UGGT1: variants seen among roughly 807,000 people sequenced by gnomAD.
The protein encoded by UGGT1 is UDP-glucose glycoprotein glucosyltransferase 1, also known as UDP-glucose:glycoprotein glucosyltransferase 1.
A neutral mutation model predicts 203.9 loss-of-function variants in UGGT1; 107 were observed. The observed-to-expected ratio is 0.52, with a 90% CI of 0.45 to 0.62. The LOEUF (loss-of-function observed/expected upper bound fraction) is 0.62. Ranked by LOEUF, UGGT1 falls within the 20% of genes least tolerant of loss-of-function variation. The pLI is 0.00. For missense variants in UGGT1, 1,673 were observed against 1,867.2 expected, an observed-to-expected ratio of 0.90 and a Z score of 1.92; for synonymous variants, 628 against 653.5, an observed-to-expected ratio of 0.96 and a Z score of 0.59.
chr2:128,168,889 A>G (rs1301904270), intron 26 of UGGT1, among the ~76,000 whole-genome samples: 4 of 151,884 alleles, frequency 2.6e-5, no homozygotes, highest in Admixed American at 6.6e-5. Flanking sequence ...TCTACTAACA[A>G]TACACAAATT....
At chr2:128,114,140 C>CA (rs1258810248) in intron 6 of UGGT1, among the ~76,000 whole-genome samples, 1 of 151,988 alleles carries the variant, frequency 6.6e-6, no homozygotes, top group Non-Finnish European at 1.5e-5. Context: ...ATTTTTGAGA[C>CA]AGAGTCTCGC....
At chr2:128,162,511 GA>G (rs1339425384) in intron 25 of UGGT1, among the ~76,000 whole-genome samples, 1 of 152,056 alleles carries the variant, frequency 6.6e-6, no homozygotes, top group African/African-American at 2.4e-5. Context: ...ATGTTTTAGA[GA>G]AGTGTTGACT....
intron 19 of UGGT1, among the ~76,000 whole-genome samples, chr2:128,153,203 C>T (rs1690061145): frequency 6.6e-6 from 1 of 152,096 alleles, no homozygotes; most frequent in African/African-American, 2.4e-5. Flanking sequence ...GAGAATGGAC[C>T]TGGATTGTTC....
rs1687664694 is a variant in UGGT1, at chr2:128,107,675, A to C, written c.278-263A>C. Among the ~76,000 whole-genome samples the C allele has an allele frequency of 2.0e-5, 3 of 152,208 alleles. No homozygotes were observed. The South Asian group carries it at 6.2e-4, about 31-fold the overall frequency. The stretch of plus-strand genomic sequence containing the variant: ...TTCACAGCTGAATTATTTCTGAGGA[A>C]GTATGTAGCTGTAAGTCATCCAGGT... On this transcript the variant is annotated intron_variant, in intron 3 of 40. Transcript: ENST00000259253.
intron 8 of UGGT1, among the ~76,000 whole-genome samples, chr2:128,118,542 G>C (rs1314017930): frequency 1.3e-5 from 2 of 152,124 alleles, no homozygotes; most frequent in Non-Finnish European, 2.9e-5. Context: ...TAGAATTACA[G>C]GTGTGAGCTA....
In UGGT1 at chr2:128,113,159, C is replaced by T. The variant is rs1164805424; in HGVS notation, c.597C>T (p.Tyr199=). 3 of 1,612,940 alleles carry T rather than the reference C, an allele frequency of 1.9e-6. No individual in the cohort carries two copies. The South Asian group carries it at 3.3e-5, about 18-fold the overall frequency. Residue 199 remains tyrosine (Y), a synonymous_variant, in exon 6 of 41, where the codon TAC becomes TAT. Coordinates refer to ENST00000259253, the MANE Select transcript of UGGT1 (RefSeq NM_020120.4). Reference sequence around the variant, plus strand: ...CTGAAAGCCCTGTGGTGATTTTCTACTCTGAGATTGGCTCTGAGGAATTTT... The same window carrying T: ...CTGAAAGCCCTGTGGTGATTTTCTATTCTGAGATTGGCTCTGAGGAATTTT... ...SNPESPVVIF[Y]SEIGSEEFSN...
At chr2:128,115,325 G>A in intron 7 of UGGT1, 105 bp downstream of exon 7, 1 of 992,908 alleles carries the variant, frequency 1.0e-6, no homozygotes, top group Non-Finnish European at 1.5e-6. Flanking sequence ...CTGAACCTGT[G>A]TTTGCATCCT....
chr2:128,158,897 A>G (rs1690378664), intron 22 of UGGT1, among the ~76,000 whole-genome samples: 1 of 152,184 alleles, frequency 6.6e-6, no homozygotes, highest in African/African-American at 2.4e-5. Flanking sequence ...AGAAGAATAC[A>G]AAATGTGTGG....
rs770044354 is a variant in UGGT1 at position 128,157,372 on chromosome 2, AT to A, written c.2355+31del. 27 of 1,600,560 alleles carry A rather than the reference AT, an allele frequency of 1.7e-5. No homozygotes were observed. In the East Asian group the frequency reaches 4.9e-4, roughly 29 times the overall value. On this transcript the variant is annotated intron_variant, in intron 22 of 40. Coordinates refer to ENST00000259253, the MANE Select transcript of UGGT1 (RefSeq NM_020120.4). ...GCAAGTATCTATGACTTCATTTTAT[AT>A]TTTTGTTTGTGGCTGTAGTTGTCTT...
At chr2:128,130,635 T>G (rs1688831643) in intron 13 of UGGT1, among the ~76,000 whole-genome samples, 1 of 152,216 alleles carries the variant, frequency 6.6e-6, no homozygotes, top group South Asian at 2.1e-4. Context: ...CAGATTTAAC[T>G]GTTTTCTTGG....
rs1573602474 is a variant in UGGT1 at position 128,164,777 on chromosome 2, C to G, written c.2873C>G (p.Pro958Arg). ...GTGGATGCTCTTCTGTCAGCGCAAC[C>G]AAAAGGAGATCCAAGAATCGAGTAC... Reference protein sequence around the residue: ...MKVDALLSAQPKGDPRIEYQF... With the variant: ...MKVDALLSAQRKGDPRIEYQF... Residue 958 changes from proline (P) to arginine (R), a missense_variant, in exon 26 of 41, where the codon CCA (proline) becomes CGA (arginine). This residue lies in a region of UGGT1 where 1,073 missense variants were observed against 1,078.7 expected (regional missense o/e 0.99). Transcript: ENST00000259253. 4.3e-6 allele frequency: 7 copies of G among 1,611,936 alleles called. No individual in the cohort carries two copies. Among genetic ancestry groups the G allele is most frequent in the Non-Finnish European group, 5.9e-6 (7 of 1,179,272 alleles).
chr2:128,127,117 C>G (rs1407256215), intron 11 of UGGT1, among the ~76,000 whole-genome samples: 2 of 151,972 alleles, frequency 1.3e-5, no homozygotes, highest in Admixed American at 1.3e-4. Context: ...ATTTTTTTCT[C>G]TTCTTTTTAA....
At chr2:128,157,420 A>G (rs1690292648) in intron 22 of UGGT1, 74 bp downstream of exon 22, 5 of 1,242,448 alleles carry the variant, frequency 4.0e-6, no homozygotes, top group Admixed American at 1.9e-5. Context: ...CTGTGCGGCT[A>G]GGATTGTTCA....
At chr2:128,132,602 T>C (rs1688935623) in intron 13 of UGGT1, among the ~76,000 whole-genome samples, 1 of 152,208 alleles carries the variant, frequency 6.6e-6, no homozygotes, top group Admixed American at 6.5e-5. Context: ...TTTTTATGTC[T>C]TCTTCATTCT....
chr2:128,162,713 C>T (rs900385909), intron 25 of UGGT1, among the ~76,000 whole-genome samples: 4 of 152,068 alleles, frequency 2.6e-5, no homozygotes, highest in East Asian at 1.9e-4. Context: ...ACTCGTGACT[C>T]GAAGCAGCCA....
chr2:128,112,349 A>T (rs746301617), intron 5 of UGGT1, among the ~76,000 whole-genome samples: 5 of 146,166 alleles, frequency 3.4e-5, no homozygotes, highest in African/African-American at 5.0e-5. Context: ...TGAACCCAGG[A>T]GGGAGAGTTG....
chr2:128,106,623 G>A (rs1169509119), intron 3 of UGGT1, among the ~76,000 whole-genome samples: 1 of 152,168 alleles, frequency 6.6e-6, no homozygotes, highest in East Asian at 1.9e-4. Flanking sequence ...CTGGAGTGCA[G>A]TGGCGTAATC....
At chr2:128,128,260 A>G (rs1044620935) in intron 12 of UGGT1, among the ~76,000 whole-genome samples, 6 of 151,690 alleles carry the variant, frequency 4.0e-5, no homozygotes, top group African/African-American at 1.5e-4. Context: ...TTGTTTTGAG[A>G]TGGAGTCTCA....
Position 128,103,954 on chromosome 2 carries a change from C to T in UGGT1, c.217C>T (p.Gln73Ter). 1 of 1,591,358 alleles carries T rather than the reference C, an allele frequency of 6.3e-7. No individual in the cohort carries two copies. Among genetic ancestry groups the T allele is most frequent in the Non-Finnish European group, 8.5e-7 (1 of 1,173,588 alleles). ...EASEFLAEDS[Q>*]EKFWNFVEAS... ...CAGTGAGTTTTTAGCAGAAGACAGT[C>T]AAGAGAAATTTTGGAATTTTGTAGA... The change falls in exon 3 of 41, where the codon CAA (glutamine) becomes TAA (stop). Residue 73 changes from glutamine to a stop codon, truncating the protein, a stop_gained. Transcript: ENST00000259253. LOFTEE classifies it high-confidence loss of function.
Sources: gnomAD v4.1 joint callset for allele counts (sites outside exome capture counted in the v4.1 genomes callset) on GRCh38, gnomAD v4.1.1 for gene constraint, gnomAD v4.1.1 regional missense constraint, MANE v1.5 for transcripts, NCBI Gene and HGNC (gene_info 2026-07-23, HGNC 2026-07-21) for gene names.